The following C3orf62 variants were observed in gnomAD, a reference collection of about 807,000 sequenced individuals.
C3orf62 encodes the protein chromosome 3 open reading frame 62, also known as uncharacterized protein C3orf62.
Under a neutral mutation model 21.7 loss-of-function variants are expected in C3orf62, and 16 were observed. The observed-to-expected ratio is 0.74, with a 90% CI of 0.50 to 1.12. The LOEUF (loss-of-function observed/expected upper bound fraction) is 1.12, where lower values mean the gene tolerates loss of function less well. C3orf62 is among the 50% of genes most tolerant of loss of function. The probability of loss-of-function intolerance (pLI) is 0.00; values close to 1 mark genes in which losing one functional copy is unlikely to be tolerated. For missense variants in C3orf62, 310 were observed against 318.8 expected (o/e 0.97, Z 0.21); for synonymous variants, 114 against 117.0 (o/e 0.97, Z 0.17).
rs1158355188 is a variant in C3orf62, at chr3:49,271,375, CAT to C, written c.607_608del (p.Met203ValfsTer29). The C allele has an allele frequency of 2.5e-6, 4 of 1,614,066 alleles. No individual in the cohort carries two copies. The highest frequency in any genetic ancestry group is 3.4e-6 in the Non-Finnish European group (4 of 1,180,016). On this transcript the variant is annotated frameshift_variant, in exon 3 of 3. Transcript: ENST00000343010. LOFTEE classifies it high-confidence loss of function. ...AGGGTGAATCTTGGCAATGACCACA[CAT>C]GTGGTTCAATTCGTTTTCAAATTCT... ...KIEFENELNH[M>X]CGHCQDSPFK...
rs1045428487 is a variant in C3orf62 at position 49,276,643 on chromosome 3, G to A, written c.230C>T (p.Ala77Val). The stretch of plus-strand genomic sequence containing the variant: ...AGCACATGGGACAGCAGCAAAAGGA[G>A]CAGCAGAAGAGCAGGCTGCCAGAGG... ...RHPLAACSSAAPFAAVPCAPE... is the reference protein window; with the variant it reads ...RHPLAACSSAVPFAAVPCAPE... Residue 77 changes from alanine (A) to valine (V), a missense_variant, in exon 1 of 3, where the codon GCT becomes GTT. Transcript: ENST00000343010. The A allele has an allele frequency of 6.7e-5, 108 of 1,614,110 alleles. No individual in the cohort carries two copies. Among genetic ancestry groups the A allele is most frequent in the Non-Finnish European group, 8.7e-5 (103 of 1,180,054 alleles).
Position 49,274,146 on chromosome 3 carries a change from GC to G in C3orf62, c.447-7del. On this transcript the variant is annotated splice_polypyrimidine_tract_variant and splice_region_variant and intron_variant, in intron 1 of 2. Coordinates refer to ENST00000343010, the MANE Select transcript of C3orf62 (RefSeq NM_198562.3). ...AATCTCTCTCCATATCTTTCCTGCA[GC>G]CCCCAGGTGGGGGGGAAGAAAAGGT... The G allele has an allele frequency of 1.9e-6, 3 of 1,608,350 alleles. No individual in the cohort carries two copies. The highest frequency in any genetic ancestry group is 2.6e-6 in the Non-Finnish European group (3 of 1,174,904).
intron 2 of C3orf62, among the ~76,000 whole-genome samples, chr3:49,273,524 G>A (rs2046928803): frequency 6.6e-6 from 1 of 151,930 alleles, no homozygotes; most frequent in Non-Finnish European, 1.5e-5. Context: ...TGAACTCCTG[G>A]GCTCAAGTGA....
At position 49,276,935 on chromosome 3, in the gene C3orf62, C is replaced by T; in HGVS notation, c.-63G>A. Reference sequence around the variant, plus strand: ...AGGCTGCAAACTACCCCTGAATGGCCACGATTTCCTGGAGCTTGGCCCTGG... The same window carrying T: ...AGGCTGCAAACTACCCCTGAATGGCTACGATTTCCTGGAGCTTGGCCCTGG... On this transcript the variant is annotated 5_prime_UTR_variant, in exon 1 of 3. Coordinates refer to ENST00000343010, the MANE Select transcript of C3orf62 (RefSeq NM_198562.3). 6.5e-7 allele frequency: 1 copy of T among 1,549,518 alleles called. No individual in the cohort carries two copies. The highest frequency in any genetic ancestry group is 8.7e-7 in the Non-Finnish European group (1 of 1,149,630).
At position 49,274,070 on chromosome 3, in the gene C3orf62, T is replaced by G; in HGVS notation, c.517A>C (p.Lys173Gln). 1 of 1,613,886 alleles carries G rather than the reference T, an allele frequency of 6.2e-7. No individual in the cohort carries two copies. Among genetic ancestry groups the G allele is most frequent in the Non-Finnish European group, 8.5e-7 (1 of 1,179,766 alleles). Residue 173 changes from lysine to glutamine, a missense_variant, in exon 2 of 3, where the codon AAG (lysine) becomes CAG (glutamine). Lys to Gln is a moderately conservative substitution (Grantham distance 53). Coordinates refer to ENST00000343010, the MANE Select transcript of C3orf62 (RefSeq NM_198562.3). The part of the protein sequence containing the change: ...PLNNSSQEVT[K>Q]DLLDMIDHTS... ...TCACCAATCATATCAAGCAGATCCT[T>G]TGTGACCTCTTGGCTAGAATTGTTG...
rs1428560879 is a variant in C3orf62 at position 49,277,228 on chromosome 3, C to T, written c.-356G>A. ...CGACCCATCCAACGGTCATCGCATGCGCGTGCCCCGCGCAGGCCCCAAACC... is the reference window on the plus strand; with the variant it reads ...CGACCCATCCAACGGTCATCGCATGTGCGTGCCCCGCGCAGGCCCCAAACC... On this transcript the variant is annotated 5_prime_UTR_variant, in exon 1 of 3. Coordinates refer to ENST00000343010, the MANE Select transcript of C3orf62 (RefSeq NM_198562.3). The T allele has an allele frequency of 1.5e-6, 2 of 1,316,762 alleles. No individual in the cohort carries two copies. The highest frequency in any genetic ancestry group is 4.9e-5 in the East Asian group (1 of 20,274). 81.6% of individuals were successfully genotyped at this position (1,316,762 alleles called of 1,614,324 possible). A position where few individuals can be genotyped will look rare whatever the true frequency, so the allele number is the denominator to read the frequency against.
chr3:49,268,912 A>C lies in C3orf62; in HGVS notation c.*2268T>G, dbSNP rs2046896905. On this transcript the variant is annotated 3_prime_UTR_variant, in exon 3 of 3. Coordinates refer to ENST00000343010, the MANE Select transcript of C3orf62 (RefSeq NM_198562.3). ...CTCCTGTGTAGCTATGACTAAAGGC[A>C]CATGCCATGATGCCTGGCTAATTTT... is the stretch of plus-strand genomic sequence containing the variant. 1 of 152,168 alleles carries C rather than the reference A, an allele frequency of 6.6e-6. No individual in the cohort carries two copies. Among genetic ancestry groups the C allele is most frequent in the Admixed American group, 6.5e-5 (1 of 15,274 alleles). 9.4% of individuals were successfully genotyped at this position (152,168 alleles called of 1,614,324 possible).
At chr3:49,275,620 TCCCG>T (rs1305924595) in intron 1 of C3orf62, among the ~76,000 whole-genome samples, 19 of 129,350 alleles carry the variant, frequency 1.5e-4, no homozygotes, top group African/African-American at 4.7e-4. Flanking sequence ...AAGCTCCGCC[TCCCG>T]GGTTCATGCC....
chr3:49,277,125 G>C lies in C3orf62; in HGVS notation c.-253C>G. Reference sequence around the variant, plus strand: ...GCCTCCCGCCCCACCGCGGCTCCCAGGCCGCTGGCCCTACCGGCACCCCCC... The same window carrying C: ...GCCTCCCGCCCCACCGCGGCTCCCACGCCGCTGGCCCTACCGGCACCCCCC... On this transcript the variant is annotated 5_prime_UTR_variant, in exon 1 of 3. Transcript: ENST00000343010. The C allele has an allele frequency of 6.8e-7, 1 of 1,469,174 alleles. No homozygotes were observed. Among genetic ancestry groups the C allele is most frequent in the Non-Finnish European group, 9.1e-7 (1 of 1,103,598 alleles). 91.0% of individuals were successfully genotyped at this position (1,469,174 alleles called of 1,614,324 possible).
rs954287824 is a variant in C3orf62 at position 49,269,629 on chromosome 3, T to A, written c.*1551A>T. 8 of 152,136 alleles carry A rather than the reference T, an allele frequency of 5.3e-5. No homozygotes were observed. The highest frequency in any genetic ancestry group is 1.4e-4 in the African/African-American group (6 of 41,406). 9.4% of individuals were successfully genotyped at this position (152,136 alleles called of 1,614,324 possible). A position where few individuals can be genotyped will look rare whatever the true frequency, so the allele number is the denominator to read the frequency against. On this transcript the variant is annotated 3_prime_UTR_variant, in exon 3 of 3. Coordinates refer to ENST00000343010, the MANE Select transcript of C3orf62 (RefSeq NM_198562.3). ...TGTGCTACCTCCTGCAGGGTCTGAGTGGTAGGTGGCCTGGAAGGAGCCTGT... is the reference window on the plus strand; with the variant it reads ...TGTGCTACCTCCTGCAGGGTCTGAGAGGTAGGTGGCCTGGAAGGAGCCTGT...
At position 49,276,891 on chromosome 3, in the gene C3orf62, C is replaced by G. The variant is rs1356948610; in HGVS notation, c.-19G>C. On this transcript the variant is annotated 5_prime_UTR_variant, in exon 1 of 3. Transcript: ENST00000343010. ...AATGCATTGGAAATGCACAGGACAA[C>G]ACAATAATGTTACAAATGAGGCTGC... 3.1e-6 allele frequency: 5 copies of G among 1,590,288 alleles called. No homozygotes were observed. The highest frequency in any genetic ancestry group is 4.3e-6 in the Non-Finnish European group (5 of 1,168,530).
In C3orf62 at chr3:49,277,136, C is replaced by G; in HGVS notation, c.-264G>C. ...CACCGCGGCTCCCAGGCCGCTGGCC[C>G]TACCGGCACCCCCCCTTTGGCGAGT... is the stretch of plus-strand genomic sequence containing the variant. On this transcript the variant is annotated 5_prime_UTR_variant, in exon 1 of 3. The change abolishes the stop of an existing upstream ORF in the 5' untranslated region. Coordinates refer to ENST00000343010, the MANE Select transcript of C3orf62 (RefSeq NM_198562.3). 17 of 1,458,446 alleles carry G rather than the reference C, an allele frequency of 1.2e-5. No homozygotes were observed. The highest frequency in any genetic ancestry group is 1.5e-5 in the Non-Finnish European group (17 of 1,096,910). The allele number at this position is 1,458,446 out of a possible 1,614,324, so 90.3% of individuals were successfully genotyped here. A position where few individuals can be genotyped will look rare whatever the true frequency, so the allele number is the denominator to read the frequency against.
rs1356751251 is a variant in C3orf62, at chr3:49,268,722, CTGT to C, written c.*2455_*2457del. The C allele has an allele frequency of 2.0e-5, 3 of 152,102 alleles. No individual in the cohort carries two copies. Among genetic ancestry groups the C allele is most frequent in the Non-Finnish European group, 4.4e-5 (3 of 68,034 alleles). 9.4% of individuals were successfully genotyped at this position (152,102 alleles called of 1,614,324 possible). A position where few individuals can be genotyped will look rare whatever the true frequency, so the allele number is the denominator to read the frequency against. On this transcript the variant is annotated 3_prime_UTR_variant, in exon 3 of 3. Coordinates refer to ENST00000343010, the MANE Select transcript of C3orf62 (RefSeq NM_198562.3). The stretch of plus-strand genomic sequence containing the variant: ...TTGTGTCTTCTTGGTCTTTAGTGGT[CTGT>C]TGATAGTTTTTGAGTCTTTCCTTAT...
chr3:49,271,985 A>G (rs2046914973), intron 2 of C3orf62, among the ~76,000 whole-genome samples: 1 of 151,686 alleles, frequency 6.6e-6, no homozygotes, highest in Non-Finnish European at 1.5e-5. Flanking sequence ...GATGGTGGGT[A>G]GAGGCAGTAA....
At position 49,277,013 on chromosome 3, in the gene C3orf62, G is replaced by C; in HGVS notation, c.-141C>G. On this transcript the variant is annotated 5_prime_UTR_variant, in exon 1 of 3. Transcript: ENST00000343010. ...TTTCCTCCTGGAGTAGGCGGTTCTC[G>C]GCTCTCGCGGAGGAACCCGCCATCT... 6.8e-7 allele frequency: 1 copy of C among 1,462,366 alleles called. No individual in the cohort carries two copies. The highest frequency in any genetic ancestry group is 2.5e-5 in the Admixed American group (1 of 40,576). The allele number at this position is 1,462,366 out of a possible 1,614,324, so 90.6% of individuals were successfully genotyped here.
Position 49,276,807 on chromosome 3 carries a change from C to T in C3orf62, c.66G>A (p.Lys22=). 6.2e-7 allele frequency: 1 copy of T among 1,613,962 alleles called. No individual in the cohort carries two copies. Among genetic ancestry groups the T allele is most frequent in the Non-Finnish European group, 8.5e-7 (1 of 1,179,970 alleles). ...EMSEKLRRCR[K]ELTAAIDRAF... is the part of the protein sequence containing the mutation. ...CCCGGTCAATGGCTGCAGTCAGTTC[C>T]TTTCTGCATCTTCTTAGTTTTTCAG... Residue 22 remains lysine, a synonymous_variant, in exon 1 of 3, where the codon AAG becomes AAA. Coordinates refer to ENST00000343010, the MANE Select transcript of C3orf62 (RefSeq NM_198562.3).
Position 49,276,456 on chromosome 3 carries a change from C to T in C3orf62, c.417G>A (p.Glu139=). 6.2e-7 allele frequency: 1 copy of T among 1,610,264 alleles called. No homozygotes were observed. The highest frequency in any genetic ancestry group is 8.5e-7 in the Non-Finnish European group (1 of 1,176,826). ...PERESWRTAG[E]GENWRKENLR... ...AATTTTCTTTTCTCCAGTTTTCCCC[C>T]TCTCCTGCAGTTCTCCAAGACTCTC... The change falls in exon 1 of 3, where the codon GAG becomes GAA. Residue 139 remains glutamate, a synonymous_variant. Transcript: ENST00000343010.
At position 49,270,134 on chromosome 3, in the gene C3orf62, C is replaced by T. The variant is rs1320077281; in HGVS notation, c.*1046G>A. On this transcript the variant is annotated 3_prime_UTR_variant, in exon 3 of 3. Coordinates refer to ENST00000343010, the MANE Select transcript of C3orf62 (RefSeq NM_198562.3). ...ACTACCCTCAGTCTTTAAAAACAAT[C>T]AGGTCCAAAGGTATTGAGTTATCTC... The T allele has an allele frequency of 6.6e-6, 1 of 152,196 alleles. No homozygotes were observed. Among genetic ancestry groups the T allele is most frequent in the Admixed American group, 6.5e-5 (1 of 15,272 alleles). The allele number at this position is 152,196 out of a possible 1,614,324, so 9.4% of individuals were successfully genotyped here.
At chr3:49,273,937 A>AACC in intron 2 of C3orf62, 112 bp downstream of exon 2, 3 of 765,852 alleles carry the variant, frequency 3.9e-6, no homozygotes, top group Non-Finnish European at 6.8e-6. Flanking sequence ...TACAGGCATG[A>AACC]ACCACCGTGC....
Sources: gnomAD v4.1 joint callset for allele counts (sites outside exome capture counted in the v4.1 genomes callset) on GRCh38, gnomAD v4.1.1 for gene constraint, MANE v1.5 for transcripts, NCBI Gene and HGNC (gene_info 2026-07-23, HGNC 2026-07-21) for gene names.